The following ERC2 variants were observed in gnomAD, a reference collection of about 807,000 sequenced individuals.
ERC2 encodes ELKS/RAB6-interacting/CAST family member 2.
A neutral mutation model predicts 114.8 loss-of-function variants in ERC2; 42 were observed. The observed-to-expected ratio is 0.37, with a 90% CI of 0.29 to 0.47. ERC2 has a LOEUF of 0.47. ERC2 is among the 20% of genes least tolerant of loss of function. The pLI, the probability that ERC2 is intolerant of heterozygous loss-of-function variation, is 0.99. For synonymous variants in ERC2, 454 were observed against 425.5 expected (o/e 1.07, Z -0.82); for missense variants, 939 against 1,150.7 (o/e 0.82, Z 2.66).
At chr3:56,453,157 G>A (rs1443234836) in intron 1 of ERC2, among the ~76,000 whole-genome samples, 1 of 152,170 alleles carries the variant, frequency 6.6e-6, no homozygotes, top group Non-Finnish European at 1.5e-5. Flanking sequence ...CCTTCCTGTG[G>A]GAAGATAATC....
intron 17 of ERC2, among the ~76,000 whole-genome samples, chr3:55,601,759 C>T (rs1341282613): frequency 2.0e-5 from 3 of 152,130 alleles, no homozygotes; most frequent in Admixed American, 6.5e-5. Context: ...CACAGGAGGT[C>T]GAGGCTGCAG....
At chr3:55,595,171 T>C (rs2058071784) in intron 17 of ERC2, among the ~76,000 whole-genome samples, 1 of 152,190 alleles carries the variant, frequency 6.6e-6, no homozygotes, top group Admixed American at 6.5e-5. Context: ...ACCCAGCAGT[T>C]TAAAATGTGT....
At chr3:55,745,753 C>T (rs1208681691) in intron 14 of ERC2, among the ~76,000 whole-genome samples, 1 of 152,202 alleles carries the variant, frequency 6.6e-6, no homozygotes, top group Non-Finnish European at 1.5e-5. Context: ...TGATCAGTTA[C>T]TGTCAAGAGA....
In ERC2 at chr3:55,595,905, A is replaced by G. The variant is rs4624535; in HGVS notation, c.*40-84629T>C. Among the ~76,000 whole-genome samples the G allele has an allele frequency of 6.4e-3, 975 of 152,322 alleles. 11 individuals are homozygous for G. Among genetic ancestry groups the G allele is most frequent in the African/African-American group, 0.022 (925 of 41,566 alleles). ...AAGTTGGAAATCCACACTCCAAGATACAATCATCATAGTGACCATGCTCTG... is the reference window on the plus strand; with the variant it reads ...AAGTTGGAAATCCACACTCCAAGATGCAATCATCATAGTGACCATGCTCTG... On this transcript the variant is annotated intron_variant, in intron 17 of 17. Coordinates refer to ENST00000288221, the MANE Select transcript of ERC2 (RefSeq NM_015576.3).
intron 2 of ERC2, among the ~76,000 whole-genome samples, chr3:56,355,291 T>C (rs2058702435): frequency 6.6e-6 from 1 of 151,422 alleles, no homozygotes; most frequent in Admixed American, 6.6e-5. Flanking sequence ...TCACCTTTTT[T>C]TTTCTTGTTT....
intron 17 of ERC2, among the ~76,000 whole-genome samples, chr3:55,666,466 G>T (rs1199107346): frequency 1.3e-5 from 2 of 152,168 alleles, no homozygotes; most frequent in Non-Finnish European, 2.9e-5. Flanking sequence ...AGACTGTAAA[G>T]TCTGTGAGGT....
At position 55,950,519 on chromosome 3, in the gene ERC2, T is replaced by C. The variant is rs1377544946; in HGVS notation, c.2309A>G (p.His770Arg). ...DQNKKVANLKHNQQLEKKKNA... is the reference protein window; with the variant it reads ...DQNKKVANLKRNQQLEKKKNA... ...TTTCTTCTTTTCCAACTGTTGATTGTGCTTGAGGTTGGCCACCTTCTTATT... is the reference window on the plus strand; with the variant it reads ...TTTCTTCTTTTCCAACTGTTGATTGCGCTTGAGGTTGGCCACCTTCTTATT... Residue 770 changes from histidine to arginine, a missense_variant, in exon 13 of 18, where the codon CAC (histidine) becomes CGC (arginine). Coordinates refer to ENST00000288221, the MANE Select transcript of ERC2 (RefSeq NM_015576.3). 6.2e-7 allele frequency: 1 copy of C among 1,614,058 alleles called. No individual in the cohort carries two copies. Among genetic ancestry groups the C allele is most frequent in the African/African-American group, 1.3e-5 (1 of 75,070 alleles).
chr3:56,380,136 C>A (rs764312429), intron 2 of ERC2, among the ~76,000 whole-genome samples: 28 of 151,916 alleles, frequency 1.8e-4, no homozygotes, highest in Non-Finnish European at 3.4e-4. Context: ...GCAAAATTGC[C>A]CCCTGTTGAA....
intron 6 of ERC2, among the ~76,000 whole-genome samples, chr3:56,110,399 G>T (rs1380948138): frequency 6.6e-6 from 1 of 152,126 alleles, no homozygotes; most frequent in Non-Finnish European, 1.5e-5. Flanking sequence ...ATGAACAAAA[G>T]TAGAAGTGTG....
intron 2 of ERC2, among the ~76,000 whole-genome samples, chr3:56,390,592 T>C (rs1333461108): frequency 6.6e-6 from 1 of 152,182 alleles, no homozygotes; most frequent in Admixed American, 6.5e-5. Context: ...AAATGGAGAA[T>C]GGCAGTACAA....
In ERC2 at chr3:55,641,549, C is replaced by CAAAAAAA. The variant is rs57407975; in HGVS notation, c.*39+42238_*39+42244dup. ...TGGGTGACAGAGCAAGATTCTATCTCAAAAAAAAAAAAAAAAAAAAAAAAA... is the reference window on the plus strand; with the variant it reads ...TGGGTGACAGAGCAAGATTCTATCTCAAAAAAAAAAAAAAAAAAAAAAAAAAAAAAAA... On this transcript the variant is annotated intron_variant, in intron 17 of 17. Coordinates refer to ENST00000288221, the MANE Select transcript of ERC2 (RefSeq NM_015576.3). Among the ~76,000 whole-genome samples, 49 of 28,348 alleles carry CAAAAAAA rather than the reference C, an allele frequency of 1.7e-3. 4 individuals are homozygous for CAAAAAAA. The highest frequency in any genetic ancestry group is 6.7e-3 in the African/African-American group (45 of 6,712). 18.6% of individuals were successfully genotyped at this position (28,348 alleles called of 152,430 possible).
chr3:55,551,295 G>T (rs929362896), intron 17 of ERC2, among the ~76,000 whole-genome samples: 60 of 152,150 alleles, frequency 3.9e-4, no homozygotes, highest in African/African-American at 1.3e-3. Context: ...GGCAGAGGCG[G>T]GTGGATCACC....
At chr3:55,948,592 T>C (rs2067282215) in intron 13 of ERC2, among the ~76,000 whole-genome samples, 1 of 152,188 alleles carries the variant, frequency 6.6e-6, no homozygotes, top group Admixed American at 6.5e-5. Flanking sequence ...TGCTATCCTT[T>C]ATTTGGGGTG....
intron 14 of ERC2, among the ~76,000 whole-genome samples, chr3:55,804,694 G>A (rs1457364249): frequency 6.6e-6 from 1 of 152,062 alleles, no homozygotes; most frequent in South Asian, 2.1e-4. Flanking sequence ...TCCGCCCTCC[G>A]GTGACTAACA....
Position 55,882,202 on chromosome 3 carries a change from T to C in ERC2, c.2564+6187A>G, listed in dbSNP as rs1231566908. Among the ~76,000 whole-genome samples the C allele has an allele frequency of 2.0e-5, 3 of 152,298 alleles. No individual in the cohort carries two copies. In the East Asian group the frequency reaches 5.8e-4, roughly 29 times the overall value. On this transcript the variant is annotated intron_variant, in intron 14 of 17. Coordinates refer to ENST00000288221, the MANE Select transcript of ERC2 (RefSeq NM_015576.3). ...CTGATTGTTAAAAAGAGCATGGCTC[T>C]TTCCCTCATCTCCACCTTGCTTCCT...
At chr3:56,057,502 T>A (rs958599868) in intron 7 of ERC2, among the ~76,000 whole-genome samples, 2 of 152,224 alleles carry the variant, frequency 1.3e-5, no homozygotes, top group African/African-American at 4.8e-5. Flanking sequence ...CCCAGCTGAC[T>A]GGGTTGTGTT....
At chr3:55,703,808 T>C (rs1232879994) in intron 15 of ERC2, among the ~76,000 whole-genome samples, 1 of 152,238 alleles carries the variant, frequency 6.6e-6, no homozygotes, top group African/African-American at 2.4e-5. Context: ...TTCCTGTTTA[T>C]TTGTTTTTGT....
chr3:55,576,077 G>A (rs1200194093), intron 17 of ERC2, among the ~76,000 whole-genome samples: 2 of 152,090 alleles, frequency 1.3e-5, no homozygotes, highest in African/African-American at 2.4e-5. Context: ...TTGAGAGGCC[G>A]AGGTGGGTGG....
At chr3:56,200,106 G>A (rs950301460) in intron 3 of ERC2, among the ~76,000 whole-genome samples, 6 of 152,044 alleles carry the variant, frequency 3.9e-5, no homozygotes, top group Admixed American at 1.3e-4. Context: ...TAGGGTTACT[G>A]TGAGGAATTC....
Sources: gnomAD v4.1 joint callset for allele counts (sites outside exome capture counted in the v4.1 genomes callset) on GRCh38, gnomAD v4.1.1 for gene constraint, MANE v1.5 for transcripts, NCBI Gene and HGNC (gene_info 2026-07-23, HGNC 2026-07-21) for gene names.